The following DGKH variants were observed in gnomAD, a reference collection of about 807,000 sequenced individuals.
DGKH encodes diacylglycerol kinase eta, also known as DAG kinase eta.
A neutral mutation model predicts 159.3 loss-of-function variants in DGKH; 90 were observed. The ratio of observed to expected loss-of-function variants is 0.57; its 90% CI spans 0.48 to 0.67. The LOEUF is 0.67. DGKH is among the 30% of genes least tolerant of loss of function. The pLI is 0.00. For synonymous variants in DGKH, 536 were observed against 553.8 expected (o/e 0.97, Z 0.45); for missense variants, 1,181 against 1,506.1 (o/e 0.78, Z 3.57).
chr13:42,248,105 T>C (rs537363447), intron 29 of DGKH, among the ~76,000 whole-genome samples: 1 of 152,302 alleles, frequency 6.6e-6, no homozygotes, highest in Non-Finnish European at 1.5e-5. Context: ...CAAGGCAACT[T>C]CCAGTCCTAT....
chr13:42,106,487 T>C lies in DGKH; in HGVS notation c.193-20976T>C, dbSNP rs964251676. On this transcript the variant is annotated intron_variant, in intron 1 of 29. Transcript: ENST00000337343. ...GAGTAACATGTGATATGGCCTCACA[T>C]CCAGGACGTAGGAAAAGAAATGCTT... Among the ~76,000 whole-genome samples, 3 of 152,100 alleles carry C rather than the reference T, an allele frequency of 2.0e-5. No individual in the cohort carries two copies. In the South Asian group the frequency reaches 6.2e-4, roughly 32 times the overall value.
intron 1 of DGKH, among the ~76,000 whole-genome samples, chr13:42,096,814 A>G (rs1954548615): frequency 6.6e-6 from 1 of 152,186 alleles, no homozygotes; most frequent in South Asian, 2.1e-4. Flanking sequence ...GAGAAAGGAA[A>G]ATGTACAAAG....
intron 1 of DGKH, chr13:42,071,038 G>C: frequency 8.0e-7 from 1 of 1,247,848 alleles, no homozygotes; most frequent in Non-Finnish European, 1.1e-6. Context: ...GTCCATATAC[G>C]TAGAATCCAG....
In DGKH at chr13:42,064,772, A is replaced by G. The variant is rs573959461; in HGVS notation, c.192+15807A>G. ...ACAGGTTTTGCTGGGGAAAATCTCT[A>G]GCTCATGTATGCACAGCTGGGGGCC... is the stretch of plus-strand genomic sequence containing the variant. On this transcript the variant is annotated intron_variant, in intron 1 of 29. Transcript: ENST00000337343. 2.3e-4 allele frequency among the ~76,000 whole-genome samples: 35 copies of G among 152,344 alleles called. 1 individual carries two copies. In the South Asian group the frequency reaches 6.6e-3, roughly 29 times the overall value.
At chr13:42,060,995 G>T (rs1266842076) in intron 1 of DGKH, among the ~76,000 whole-genome samples, 2 of 152,172 alleles carry the variant, frequency 1.3e-5, no homozygotes, top group Non-Finnish European at 2.9e-5. Context: ...CACACAGGAG[G>T]AGTTTAGGAG....
intron 17 of DGKH, among the ~76,000 whole-genome samples, chr13:42,198,012 A>G (rs1327380050): frequency 1.3e-5 from 2 of 152,218 alleles, no homozygotes; most frequent in Non-Finnish European, 2.9e-5. Context: ...TAAAATTAAC[A>G]CTGAGTTTTC....
intron 29 of DGKH, among the ~76,000 whole-genome samples, chr13:42,248,968 C>T (rs1489692434): frequency 6.6e-6 from 1 of 152,146 alleles, no homozygotes; most frequent in Non-Finnish European, 1.5e-5. Context: ...CATACACACA[C>T]ATATATACAT....
chr13:42,151,017 G>A (rs1273907440), intron 3 of DGKH, among the ~76,000 whole-genome samples: 4 of 152,054 alleles, frequency 2.6e-5, no homozygotes, highest in South Asian at 2.1e-4. Flanking sequence ...GGCTGCAAGC[G>A]GAGGAAGGTA....
intron 3 of DGKH, 145 bp from the exon 4 acceptor site, chr13:42,155,146 A>G (rs76578228): frequency 1.5e-6 from 1 of 651,656 alleles, no homozygotes; most frequent in Non-Finnish European, 2.5e-6. Flanking sequence ...TCTTTCCTAG[A>G]CCACATTATT....
intron 1 of DGKH, among the ~76,000 whole-genome samples, chr13:42,094,480 G>A (rs562594745): frequency 4.4e-4 from 67 of 152,184 alleles, no homozygotes; most frequent in African/African-American, 1.4e-3. Flanking sequence ...GAAGCATCAC[G>A]AAGTTCAAAG....
At position 42,181,276 on chromosome 13, in the gene DGKH, CAAAAAAAAAAA is replaced by C. The variant is rs34220072; in HGVS notation, c.1538+3070_1538+3080del. Reference sequence around the variant, plus strand: ...TGGGCCACAGAGCGAGACTCTGTCTCAAAAAAAAAAAAAAAAAAAAAAAAGAATATCCTCTT... The same window carrying C: ...TGGGCCACAGAGCGAGACTCTGTCTCAAAAAAAAAAAAAGAATATCCTCTT... On this transcript the variant is annotated intron_variant, in intron 13 of 29. Coordinates refer to ENST00000337343, the MANE Select transcript of DGKH (RefSeq NM_178009.5). Among the ~76,000 whole-genome samples the C allele has an allele frequency of 6.7e-3, 541 of 81,264 alleles. 2 individuals are homozygous for C. The highest frequency in any genetic ancestry group is 0.02 in the African/African-American group (515 of 26,244). 53.3% of individuals were successfully genotyped at this position (81,264 alleles called of 152,430 possible). A position where few individuals can be genotyped will look rare whatever the true frequency, so the allele number is the denominator to read the frequency against.
intron 1 of DGKH, among the ~76,000 whole-genome samples, chr13:42,058,363 C>T (rs993723076): frequency 6.6e-6 from 1 of 152,168 alleles, no homozygotes; most frequent in African/African-American, 2.4e-5. Context: ...TTTCTGAGAA[C>T]CTATTGATGT....
chr13:42,172,011 G>T (rs1002903032), intron 11 of DGKH, among the ~76,000 whole-genome samples: 5 of 151,986 alleles, frequency 3.3e-5, no homozygotes, highest in African/African-American at 1.2e-4. Flanking sequence ...TGTATTTTTA[G>T]TAGAGACGGG....
At chr13:42,183,797 AAC>A (rs757192991) in intron 13 of DGKH, among the ~76,000 whole-genome samples, 1 of 152,218 alleles carries the variant, frequency 6.6e-6, no homozygotes, top group Non-Finnish European at 1.5e-5. Context: ...AAAAATGTAA[AAC>A]AGTTATTAAA....
Position 42,235,683 on chromosome 13 carries a change from G to T in DGKH, c.*6495G>T, listed in dbSNP as rs542757705. The T allele has an allele frequency of 1.3e-5, 2 of 152,096 alleles. No individual in the cohort carries two copies. Among genetic ancestry groups the T allele is most frequent in the Non-Finnish European group, 2.9e-5 (2 of 67,986 alleles). 9.4% of individuals were successfully genotyped at this position (152,096 alleles called of 1,614,324 possible). A position where few individuals can be genotyped will look rare whatever the true frequency, so the allele number is the denominator to read the frequency against. ...ACAGTTCTGGTAACTGGTAACTAGT[G>T]CTGTGAAAGGTTTTGGTATTGTAAC... is the stretch of plus-strand genomic sequence containing the variant. On this transcript the variant is annotated 3_prime_UTR_variant, in exon 30 of 30. Coordinates refer to ENST00000337343, the MANE Select transcript of DGKH (RefSeq NM_178009.5).
intron 1 of DGKH, chr13:42,069,464 T>C (rs1882811702): frequency 6.5e-7 from 1 of 1,548,864 alleles, no homozygotes; most frequent in African/African-American, 1.4e-5. Context: ...ACAACATCAG[T>C]AGACTCATGT....
chr13:42,080,409 T>C (rs1260248050), intron 1 of DGKH, among the ~76,000 whole-genome samples: 1 of 152,186 alleles, frequency 6.6e-6, no homozygotes, highest in Non-Finnish European at 1.5e-5. Context: ...CCAGCTTTGT[T>C]ATTCCTTAAT....
At chr13:42,200,851 A>G (rs1056362769) in intron 20 of DGKH, among the ~76,000 whole-genome samples, 1 of 152,220 alleles carries the variant, frequency 6.6e-6, no homozygotes, top group African/African-American at 2.4e-5. Context: ...CTGGATAAAA[A>G]GGTACAAAAT....
chr13:42,151,915 G>A (rs1955915478), intron 3 of DGKH, among the ~76,000 whole-genome samples: 1 of 152,254 alleles, frequency 6.6e-6, no homozygotes, highest in African/African-American at 2.4e-5. Flanking sequence ...CACACCAACA[G>A]TGTACAAGCA....
Sources: allele counts gnomAD v4.1 joint callset (sites outside exome capture counted in the v4.1 genomes callset), GRCh38; gene constraint gnomAD v4.1.1; transcripts MANE v1.5; gene names NCBI Gene and HGNC (gene_info 2026-07-23, HGNC 2026-07-21).